KCNMA1: variants seen among roughly 807,000 people sequenced by gnomAD.
KCNMA1 encodes potassium calcium-activated channel subfamily M alpha 1, also known as Calcium-activated potassium channel subunit alpha-1.
KCNMA1 carries 29 observed loss-of-function variants against 140.0 expected under a neutral mutation model. The ratio of observed to expected loss-of-function variants is 0.21; its 90% CI spans 0.15 to 0.28. The LOEUF is 0.28. KCNMA1 is among the 10% of genes least tolerant of loss of function. The pLI is 1.00. For missense variants in KCNMA1, 880 were observed against 1,602.2 expected (o/e 0.55, Z 7.70); for synonymous variants, 612 against 611.9 (o/e 1.00, Z 0.00).
At chr10:77,217,076 G>T (rs911150612) in intron 3 of KCNMA1, among the ~76,000 whole-genome samples, 3 of 151,932 alleles carry the variant, frequency 2.0e-5, no homozygotes, top group African/African-American at 7.3e-5. Flanking sequence ...AGGCTGAGGC[G>T]GGCGGATCAC....
chr10:77,035,221 C>T (rs1257474327), intron 15 of KCNMA1, among the ~76,000 whole-genome samples: 2 of 152,192 alleles, frequency 1.3e-5, no homozygotes, highest in Admixed American at 6.5e-5. Flanking sequence ...GGCGCAGCCT[C>T]CAGATTCCCT....
At chr10:77,056,295 G>C (rs2095538398) in intron 14 of KCNMA1, among the ~76,000 whole-genome samples, 1 of 152,072 alleles carries the variant, frequency 6.6e-6, no homozygotes, top group African/African-American at 2.4e-5. Context: ...CAGGAAAATT[G>C]CTTGAACCCA....
intron 18 of KCNMA1, among the ~76,000 whole-genome samples, chr10:77,006,015 T>A (rs944185958): frequency 6.6e-6 from 1 of 152,204 alleles, no homozygotes; most frequent in African/African-American, 2.4e-5. Context: ...GATAATCAGC[T>A]GTCAAACTCA....
At chr10:77,281,690 G>A (rs1183870782) in intron 2 of KCNMA1, among the ~76,000 whole-genome samples, 3 of 152,170 alleles carry the variant, frequency 2.0e-5, no homozygotes, top group Non-Finnish European at 4.4e-5. Context: ...GAGTCAAGAA[G>A]TGCCTGACTG....
chr10:77,382,902 A>T (rs1603449648), intron 2 of KCNMA1, among the ~76,000 whole-genome samples: 1 of 136,662 alleles, frequency 7.3e-6, no homozygotes, highest in African/African-American at 2.7e-5. Context: ...ATATATATAT[A>T]TACACACACA....
chr10:76,888,749 T>C (rs2038513369), intron 27 of KCNMA1, among the ~76,000 whole-genome samples: 1 of 152,094 alleles, frequency 6.6e-6, no homozygotes, highest in South Asian at 2.1e-4. Flanking sequence ...AAATATGGGA[T>C]TCTGAGATAT....
chr10:77,370,741 A>G lies in KCNMA1; in HGVS notation c.540+33121T>C, dbSNP rs547736195. ...CATGTGGAGAGACTCAGCATAGGCC[A>G]GTGCAGTAGCGGGGTCTACTGGAAA... On this transcript the variant is annotated intron_variant, in intron 2 of 27. Coordinates refer to ENST00000286628, the MANE Select transcript of KCNMA1 (RefSeq NM_001161352.2). Among the ~76,000 whole-genome samples, 6 of 152,316 alleles carry G rather than the reference A, an allele frequency of 3.9e-5. No individual in the cohort carries two copies. In the South Asian group the frequency reaches 1.2e-3, roughly 32 times the overall value.
chr10:77,107,342 T>A (rs1373463570), intron 9 of KCNMA1, among the ~76,000 whole-genome samples: 2 of 152,168 alleles, frequency 1.3e-5, no homozygotes, highest in African/African-American at 4.8e-5. Flanking sequence ...CTGATCCGGA[T>A]GGTAGGATGA....
At chr10:77,615,130 C>G (rs1020379679) in intron 1 of KCNMA1, among the ~76,000 whole-genome samples, 1 of 152,206 alleles carries the variant, frequency 6.6e-6, no homozygotes, top group Non-Finnish European at 1.5e-5. Context: ...CAGAGTAGCA[C>G]AGGTTCCTAA....
intron 25 of KCNMA1, chr10:76,903,008 G>C (rs530045175): frequency 5.9e-5 from 9 of 152,320 alleles, no homozygotes; most frequent in Non-Finnish European, 8.8e-5. Flanking sequence ...AGGGTGGCCC[G>C]CTTGGCCTCT....
chr10:77,021,589 C>T (rs74140256), intron 16 of KCNMA1, among the ~76,000 whole-genome samples: 1,683 of 152,306 alleles, frequency 0.011, 20 homozygotes, highest in African/African-American at 0.038. Context: ...TGGTGATGGG[C>T]TAATTTAGAC....
Position 77,274,217 on chromosome 10 carries a change from T to C in KCNMA1, c.541-22961A>G, listed in dbSNP as rs533100387. On this transcript the variant is annotated intron_variant, in intron 2 of 27. Transcript: ENST00000286628. ...AGCCTCCAGATATGGCCAGCCAGAA[T>C]CACACACTATTTATAGGCTTAACCC... Among the ~76,000 whole-genome samples the C allele has an allele frequency of 2.6e-5, 4 of 152,210 alleles. No homozygotes were observed. In the East Asian group the frequency reaches 5.8e-4, roughly 22 times the overall value.
chr10:77,357,251 A>C (rs1020235768), intron 2 of KCNMA1, among the ~76,000 whole-genome samples: 3 of 152,208 alleles, frequency 2.0e-5, no homozygotes, highest in Non-Finnish European at 2.9e-5. Context: ...CTTGAACCAT[A>C]GTTGTCTCAC....
rs2097252060 is a variant in KCNMA1, at chr10:77,108,701, AT to A, written c.1132-130del. On this transcript the variant is annotated intron_variant, in intron 8 of 27. Transcript: ENST00000286628. This position sits in a 1 kb window ranked among gnomAD's most constrained non-coding sequence, Gnocchi z 4.6. ...TAGGCCTGCAAAGGTATATATTGAT[AT>A]GTTGGATCATAAAAAACTAAAAGCA... 1.4e-6 allele frequency: 1 copy of A among 707,842 alleles called. No homozygotes were observed. The highest frequency in any genetic ancestry group is 2.5e-6 in the Non-Finnish European group (1 of 403,700). 43.8% of individuals were successfully genotyped at this position (707,842 alleles called of 1,614,324 possible).
chr10:77,170,791 T>C (rs2098698107), intron 5 of KCNMA1, among the ~76,000 whole-genome samples: 1 of 152,196 alleles, frequency 6.6e-6, no homozygotes, highest in Non-Finnish European at 1.5e-5. Flanking sequence ...GCAAAGGTGC[T>C]CATTCTTACT....
intron 25 of KCNMA1, among the ~76,000 whole-genome samples, chr10:76,895,787 G>T (rs146455500): frequency 6.6e-6 from 1 of 152,120 alleles, no homozygotes; most frequent in Admixed American, 6.5e-5. Context: ...TTTAAAGCTG[G>T]GTGTCTGGGG....
At chr10:77,387,699 C>G (rs773526743) in intron 2 of KCNMA1, among the ~76,000 whole-genome samples, 1 of 150,974 alleles carries the variant, frequency 6.6e-6, no homozygotes, top group Non-Finnish European at 1.5e-5. Flanking sequence ...CTCACTGCAA[C>G]CTCTCACTCC....
chr10:77,332,629 T>C (rs1040135626), intron 2 of KCNMA1, among the ~76,000 whole-genome samples: 2 of 152,128 alleles, frequency 1.3e-5, no homozygotes, highest in African/African-American at 4.8e-5. Flanking sequence ...CATGGAACAC[T>C]GGGGATTTAT....
rs2096577057 is a variant in KCNMA1, at chr10:77,409,751, C to T, written c.379-5728G>A. 2.0e-5 allele frequency among the ~76,000 whole-genome samples: 3 copies of T among 152,208 alleles called. No homozygotes were observed. The South Asian group carries it at 6.2e-4, about 32-fold the overall frequency. On this transcript the variant is annotated intron_variant, in intron 1 of 27. Coordinates refer to ENST00000286628, the MANE Select transcript of KCNMA1 (RefSeq NM_001161352.2). The stretch of plus-strand genomic sequence containing the variant: ...AGATTTGGCTGTCTCCGTCTCTCAT[C>T]CTTGCTGAATTAGACCCAGTATACT...
Sources: gnomAD v4.1 joint callset for allele counts (sites outside exome capture counted in the v4.1 genomes callset) on GRCh38, gnomAD v4.1.1 for gene constraint, Gnocchi (gnomAD v3.1) non-coding constraint, MANE v1.5 for transcripts, NCBI Gene and HGNC (gene_info 2026-07-23, HGNC 2026-07-21) for gene names.